PEBP4: variants seen among roughly 807,000 people sequenced by gnomAD.
PEBP4 encodes the protein phosphatidylethanolamine-binding protein 4.
Under a neutral mutation model 23.9 loss-of-function variants are expected in PEBP4, and 22 were observed. The observed-to-expected ratio is 0.92, with a 90% CI of 0.66 to 1.31. The LOEUF is 1.31. Among genes scored for constraint, PEBP4 ranks in the 40% most tolerant of loss-of-function variants. PEBP4 has a pLI of 0.00. For synonymous variants in PEBP4, 112 were observed against 99.3 expected (o/e 1.13, Z -0.76); for missense variants, 324 against 281.7 (o/e 1.15, Z -1.07).
rs556233532 is a variant in PEBP4 at position 22,805,647 on chromosome 8, G to A, written c.357+11990C>T. Among the ~76,000 whole-genome samples the A allele has an allele frequency of 5.9e-5, 9 of 152,290 alleles. 1 individual carries two copies. Among genetic ancestry groups the A allele is most frequent in the South Asian group, 4.1e-4 (2 of 4,820 alleles). ...GGCCATGATTGCCAGCATTAAGTTC[G>A]TCAATTATAACAAACATACCACTCT... On this transcript the variant is annotated intron_variant, in intron 4 of 6. Coordinates refer to ENST00000256404, the MANE Select transcript of PEBP4 (RefSeq NM_144962.3).
chr8:22,918,257 T>C (rs1043575348), intron 3 of PEBP4, among the ~76,000 whole-genome samples: 3 of 151,972 alleles, frequency 2.0e-5, no homozygotes, highest in African/African-American at 4.8e-5. Context: ...AGTAGAATAC[T>C]ATGTTTTTCT....
At chr8:22,937,751 G>C (rs1275339351) in intron 1 of PEBP4, among the ~76,000 whole-genome samples, 1 of 151,930 alleles carries the variant, frequency 6.6e-6, no homozygotes, top group Admixed American at 6.6e-5. Context: ...CAACGGAATA[G>C]ACTAGAGAGC....
At chr8:22,919,727 G>A (rs572011979) in intron 3 of PEBP4, among the ~76,000 whole-genome samples, 123 of 152,302 alleles carry the variant, frequency 8.1e-4, no homozygotes, top group Non-Finnish European at 1.3e-3. Flanking sequence ...GGCAACTTGG[G>A]AAGCTCTGTC....
At chr8:22,835,493 G>A (rs1807184194) in intron 3 of PEBP4, among the ~76,000 whole-genome samples, 1 of 152,176 alleles carries the variant, frequency 6.6e-6, no homozygotes, top group African/African-American at 2.4e-5. Context: ...TGGAAACACA[G>A]CATCTCACAG....
At chr8:22,835,305 T>C (rs1273124501) in intron 3 of PEBP4, among the ~76,000 whole-genome samples, 2 of 152,362 alleles carry the variant, frequency 1.3e-5, no homozygotes, top group East Asian at 3.9e-4. Context: ...GGTTTTGTTA[T>C]TGTGAACAAA....
intron 4 of PEBP4, among the ~76,000 whole-genome samples, chr8:22,813,421 G>T (rs1806674707): frequency 6.6e-6 from 1 of 152,152 alleles, no homozygotes; most frequent in South Asian, 2.1e-4. Flanking sequence ...CACCAATCAT[G>T]ATATTCTTTG....
chr8:22,844,915 G>C (rs117032153), intron 3 of PEBP4, among the ~76,000 whole-genome samples: 1 of 152,306 alleles, frequency 6.6e-6, no homozygotes, highest in Non-Finnish European at 1.5e-5. Flanking sequence ...ACAAGGAAAG[G>C]TGGGCCACTC....
At chr8:22,731,308 C>T (rs1804726589) in intron 4 of PEBP4, among the ~76,000 whole-genome samples, 1 of 152,206 alleles carries the variant, frequency 6.6e-6, no homozygotes, top group Non-Finnish European at 1.5e-5. Context: ...CTTCCTCCTC[C>T]TCCTCAGCCC....
chr8:22,719,357 C>T (rs1804476405), intron 6 of PEBP4, among the ~76,000 whole-genome samples: 1 of 152,202 alleles, frequency 6.6e-6, no homozygotes, highest in African/African-American at 2.4e-5. Flanking sequence ...ATTTCCCCTG[C>T]TCGCTTGCAA....
chr8:22,815,721 C>T (rs561581118), intron 4 of PEBP4, among the ~76,000 whole-genome samples: 1 of 152,332 alleles, frequency 6.6e-6, no homozygotes, highest in South Asian at 2.1e-4. Context: ...GCAGCCTTGC[C>T]GGACAGCTGC....
At chr8:22,755,455 C>T (rs1328451771) in intron 4 of PEBP4, among the ~76,000 whole-genome samples, 1 of 151,000 alleles carries the variant, frequency 6.6e-6, no homozygotes, top group African/African-American at 2.4e-5. Flanking sequence ...CCTGCCTCAG[C>T]CTCCTGAGTA....
intron 4 of PEBP4, among the ~76,000 whole-genome samples, chr8:22,731,618 T>G (rs1431521603): frequency 9.9e-6 from 1 of 100,786 alleles, no homozygotes; most frequent in African/African-American, 3.6e-5. Flanking sequence ...CTCATTGTTT[T>G]ATTTATTTAT....
chr8:22,833,825 T>A (rs780952649), intron 3 of PEBP4, among the ~76,000 whole-genome samples: 1 of 152,192 alleles, frequency 6.6e-6, no homozygotes, highest in East Asian at 1.9e-4. Flanking sequence ...GAGGTTTTGA[T>A]TGAAGGAGTC....
intron 4 of PEBP4, among the ~76,000 whole-genome samples, chr8:22,802,380 A>T (rs1806402399): frequency 6.6e-6 from 1 of 151,992 alleles, no homozygotes; most frequent in East Asian, 1.9e-4. Flanking sequence ...GCTGCCCCCA[A>T]CACGTCTCCT....
intron 3 of PEBP4, among the ~76,000 whole-genome samples, chr8:22,820,199 A>G (rs977837482): frequency 6.6e-6 from 1 of 152,258 alleles, no homozygotes; most frequent in Admixed American, 6.5e-5. Flanking sequence ...GGGAAGAGGG[A>G]TTATAGGAAG....
intron 3 of PEBP4, among the ~76,000 whole-genome samples, chr8:22,860,039 C>T (rs1244741163): frequency 1.3e-5 from 2 of 149,314 alleles, no homozygotes; most frequent in African/African-American, 5.0e-5. Flanking sequence ...ACCTCTTGAG[C>T]CCAGCAGTCA....
intron 3 of PEBP4, among the ~76,000 whole-genome samples, chr8:22,848,355 A>C (rs1466809756): frequency 6.6e-6 from 1 of 151,964 alleles, no homozygotes; most frequent in African/African-American, 2.4e-5. Flanking sequence ...CTGCCTGCCG[A>C]GAGTGGAGTA....
intron 3 of PEBP4, among the ~76,000 whole-genome samples, chr8:22,856,299 T>C (rs2128767965): frequency 6.6e-6 from 1 of 152,312 alleles, no homozygotes; most frequent in South Asian, 2.1e-4. Flanking sequence ...GGGTACTATT[T>C]TTTACTTGTC....
At chr8:22,844,006 TG>T (rs374313964) in intron 3 of PEBP4, among the ~76,000 whole-genome samples, 151 of 152,282 alleles carry the variant, frequency 9.9e-4, no homozygotes, top group African/African-American at 3.4e-3. Context: ...CTGATTCAGT[TG>T]GAAAAGTGGG....
Sources: gnomAD v4.1 joint callset for allele counts (sites outside exome capture counted in the v4.1 genomes callset) on GRCh38, gnomAD v4.1.1 for gene constraint, MANE v1.5 for transcripts, NCBI Gene and HGNC (gene_info 2026-07-23, HGNC 2026-07-21) for gene names.